Variants in RBM14 observed in about 807,000 individuals in gnomAD.
RBM14 encodes the protein RNA binding motif protein 14, also known as RNA-binding protein 14.
A neutral mutation model predicts 52.8 loss-of-function variants in RBM14; 5 were observed. The ratio of observed to expected loss-of-function variants is 0.09; its 90% CI spans 0.05 to 0.20. The LOEUF is 0.20. RBM14 is among the 10% of genes least tolerant of loss of function. The pLI, the probability that RBM14 is intolerant of heterozygous loss-of-function variation, is 1.00. For synonymous variants in RBM14, 411 were observed against 401.8 expected, an observed-to-expected ratio of 1.02 and a Z score of -0.28; for missense variants, 780 against 926.6, an observed-to-expected ratio of 0.84 and a Z score of 2.05.
rs1269083918 is a variant in RBM14 at position 66,625,951 on chromosome 11, C to T, written c.1802+273C>T. On this transcript the variant is annotated intron_variant, in intron 2 of 2. Transcript: ENST00000310137. The surrounding 1 kb of genome is among the most constrained non-coding windows in gnomAD (Gnocchi z 4.2). ...GCTAGCCCAAGTGTCATTGGAGCTA[C>T]TGCCTGCAGGACTGTGGCCCATATC... is the stretch of plus-strand genomic sequence containing the variant. 6.6e-6 allele frequency among the ~76,000 whole-genome samples: 1 copy of T among 152,248 alleles called. No individual in the cohort carries two copies. Among genetic ancestry groups the T allele is most frequent in the Non-Finnish European group, 1.5e-5 (1 of 68,040 alleles).
chr11:66,624,371 C>T lies in RBM14; in HGVS notation c.495C>T (p.Thr165=). ...TGGCTGTCCAGTCTGGGGACAAGACCAAGAAACCAGGGGCTGGGGATACGG... is the reference window on the plus strand; with the variant it reads ...TGGCTGTCCAGTCTGGGGACAAGACTAAGAAACCAGGGGCTGGGGATACGG... The part of the protein sequence containing the change: ...PGLAVQSGDK[T]KKPGAGDTAF... The change falls in exon 2 of 3, where the codon ACC becomes ACT. Residue 165 remains threonine (T), a synonymous_variant. Coordinates refer to ENST00000310137, the MANE Select transcript of RBM14 (RefSeq NM_006328.4). This position sits in a 1 kb window ranked among gnomAD's most constrained non-coding sequence, Gnocchi z 4.7. 6.2e-7 allele frequency: 1 copy of T among 1,614,116 alleles called. No homozygotes were observed. The highest frequency in any genetic ancestry group is 8.5e-7 in the Non-Finnish European group (1 of 1,179,978).
rs2135027096 is a variant in RBM14 at position 66,626,870 on chromosome 11, C to G, written c.*202C>G. On this transcript the variant is annotated 3_prime_UTR_variant, in exon 3 of 3. Transcript: ENST00000310137. ...TTGTTCCTTCGCCTCAGCAGCAAAT[C>G]TTGCTACTGGCTCTAGATCTGCGGT... The G allele has an allele frequency of 1.8e-6, 1 of 561,160 alleles. No individual in the cohort carries two copies. Among genetic ancestry groups the G allele is most frequent in the Middle Eastern group, 4.6e-4 (1 of 2,162 alleles). The allele number at this position is 561,160 out of a possible 1,614,324, so 34.8% of individuals were successfully genotyped here.
intron 1 of RBM14, chr11:66,618,989 C>T (rs1258914222): frequency 6.0e-6 from 1 of 166,824 alleles, no homozygotes; most frequent in Non-Finnish European, 1.3e-5. Context: ...TTGACTTACT[C>T]CGGGAGTGGT....
At chr11:66,619,937 A>G (rs2135007338) in intron 1 of RBM14, among the ~76,000 whole-genome samples, 1 of 152,348 alleles carries the variant, frequency 6.6e-6, no homozygotes, top group South Asian at 2.1e-4. Context: ...TTGTTACTGG[A>G]GGACTTGTGA....
chr11:66,623,020 TCTC>T (rs935062593), intron 1 of RBM14, among the ~76,000 whole-genome samples: 1 of 152,220 alleles, frequency 6.6e-6, no homozygotes, highest in Non-Finnish European at 1.5e-5. Flanking sequence ...CCTGAAGTTT[TCTC>T]CTTCTGTGTA....
rs1034873895 is a variant in RBM14 at position 66,617,485 on chromosome 11, A to G, written c.337+428A>G. The G allele has an allele frequency of 5.7e-5, 57 of 1,007,780 alleles. 1 individual carries two copies. The highest frequency in any genetic ancestry group is 1.9e-4 in the African/African-American group (11 of 57,614). The allele number at this position is 1,007,780 out of a possible 1,614,324, so 62.4% of individuals were successfully genotyped here. ...TCGGTCAGAGCAAGGGAAGAGGGAA[A>G]AGGTGGGGGCTGACGCCCCAAGGCC... On this transcript the variant is annotated intron_variant, in intron 1 of 2. Coordinates refer to ENST00000310137, the MANE Select transcript of RBM14 (RefSeq NM_006328.4).
Position 66,616,966 on chromosome 11 carries a change from C to T in RBM14, c.246C>T (p.Phe82=). Residue 82 remains phenylalanine (F), a synonymous_variant, in exon 1 of 3, where the codon TTC becomes TTT. Coordinates refer to ENST00000310137, the MANE Select transcript of RBM14 (RefSeq NM_006328.4). ...RPRPLNTWKI[F]VGNVSAACTS... ...GGCCTCTTAATACTTGGAAGATTTT[C>T]GTGGGCAATGTGTCGGCTGCATGCA... is the stretch of plus-strand genomic sequence containing the variant. 1.2e-6 allele frequency: 2 copies of T among 1,612,484 alleles called. No individual in the cohort carries two copies. Among genetic ancestry groups the T allele is most frequent in the Non-Finnish European group, 1.7e-6 (2 of 1,179,654 alleles).
intron 1 of RBM14, among the ~76,000 whole-genome samples, chr11:66,617,951 C>A (rs1301066089): frequency 6.6e-6 from 1 of 152,190 alleles, no homozygotes; most frequent in Admixed American, 6.5e-5. Flanking sequence ...CTTCATTAAA[C>A]AGTGGCTAAA....
intron 1 of RBM14, among the ~76,000 whole-genome samples, chr11:66,617,966 G>A (rs892551356): frequency 1.3e-5 from 2 of 152,226 alleles, no homozygotes; most frequent in African/African-American, 4.8e-5. Flanking sequence ...GCTAAACACG[G>A]TTTACTGAAT....
In RBM14 at chr11:66,616,688, C is replaced by G. The variant is rs1435025305; in HGVS notation, c.-33C>G. ...CTTGCCTGTCGCTGGAGGAGAGGTC[C>G]GGGCTCTCCAGGAAGGTGGCTGCGG... is the stretch of plus-strand genomic sequence containing the variant. On this transcript the variant is annotated 5_prime_UTR_variant, in exon 1 of 3. Coordinates refer to ENST00000310137, the MANE Select transcript of RBM14 (RefSeq NM_006328.4). 5.1e-6 allele frequency: 8 copies of G among 1,561,222 alleles called. No homozygotes were observed. Among genetic ancestry groups the G allele is most frequent in the Non-Finnish European group, 7.0e-6 (8 of 1,148,150 alleles).
chr11:66,626,759 C>T lies in RBM14; in HGVS notation c.*91C>T, dbSNP rs1937835625. The stretch of plus-strand genomic sequence containing the variant: ...AGGTTATAACTACTCTGGCCCATAC[C>T]TTTCCTGGTTGTGGTTTTTCATGCC... On this transcript the variant is annotated 3_prime_UTR_variant, in exon 3 of 3. Coordinates refer to ENST00000310137, the MANE Select transcript of RBM14 (RefSeq NM_006328.4). 3.1e-6 allele frequency: 4 copies of T among 1,274,022 alleles called. No individual in the cohort carries two copies. Among genetic ancestry groups the T allele is most frequent in the Admixed American group, 5.1e-5 (2 of 39,150 alleles). 78.9% of individuals were successfully genotyped at this position (1,274,022 alleles called of 1,614,324 possible).
In RBM14 at chr11:66,623,927, T is replaced by G. The variant is rs556591389; in HGVS notation, c.338-287T>G. The G allele has an allele frequency of 1.1e-4, 76 of 718,912 alleles. 1 individual carries two copies. The Admixed American group carries it at 1.5e-3, about 14-fold the overall frequency. The allele number at this position is 718,912 out of a possible 1,614,324, so 44.5% of individuals were successfully genotyped here. ...AGATGTGAAGATTTTTATCCTGTGT[T>G]GCAGTTCATCTTTGCTCCTTCTTCT... On this transcript the variant is annotated intron_variant, in intron 1 of 2. Transcript: ENST00000310137.
chr11:66,626,452 C>T lies in RBM14; in HGVS notation c.1803-9C>T, dbSNP rs1354353786. On this transcript the variant is annotated splice_polypyrimidine_tract_variant and intron_variant, in intron 2 of 2. Coordinates refer to ENST00000310137, the MANE Select transcript of RBM14 (RefSeq NM_006328.4). ...TCTCATTCACCAACTGTCTTCTTCT[C>T]TCGACTAGGTATGGTTCCGACCGGC... 1.9e-6 allele frequency: 3 copies of T among 1,609,666 alleles called. No homozygotes were observed. Among genetic ancestry groups the T allele is most frequent in the East Asian group, 2.2e-5 (1 of 44,876 alleles).
At chr11:66,623,811 G>A (rs1937656752) in intron 1 of RBM14, 1 of 704,912 alleles carries the variant, frequency 1.4e-6, no homozygotes, top group African/African-American at 1.8e-5. Flanking sequence ...AGGCCTCAAA[G>A]GTGTTTGGTG....
chr11:66,617,152 G>A (rs1858875881), intron 1 of RBM14, 95 bp downstream of exon 1: 2 of 1,490,226 alleles, frequency 1.3e-6, no homozygotes, highest in Non-Finnish European at 1.8e-6. Flanking sequence ...TGCGCGGTTG[G>A]GAGGGGTGGG....
At chr11:66,617,345 G>A in intron 1 of RBM14, 1 of 1,253,224 alleles carries the variant, frequency 8.0e-7, no homozygotes, top group Non-Finnish European at 1.0e-6. Context: ...TTCCGGGGGC[G>A]CGCCTTCTCC....
intron 1 of RBM14, chr11:66,618,396 T>C (rs1295134834): frequency 2.9e-6 from 2 of 682,232 alleles, no homozygotes; most frequent in African/African-American, 3.5e-5. Context: ...GGGCCATTCC[T>C]AGTCCTTTAA....
intron 1 of RBM14, chr11:66,623,943 TC>T (rs1166252062): frequency 5.5e-6 from 4 of 721,632 alleles, no homozygotes; most frequent in Non-Finnish European, 1.0e-5. Flanking sequence ...TCATCTTTGC[TC>T]CTTCTTCTCT....
Position 66,624,769 on chromosome 11 carries a change from C to T in RBM14, c.893C>T (p.Ala298Val). The change falls in exon 2 of 3, where the codon GCA becomes GTA. Residue 298 changes from alanine (A) to valine (V), a missense_variant. By Grantham distance (64) the Ala-to-Val change is moderately conservative. This residue lies in a region of RBM14 where 675 missense variants were observed against 697.3 expected (regional missense o/e 0.97). Transcript: ENST00000310137. This position sits in a 1 kb window ranked among gnomAD's most constrained non-coding sequence, Gnocchi z 4.7. ...GCTAGTCCTAGCTCCCAGTCTGCTG[C>T]AGCTTCTTCACTCGGCCCATATGGT... ...QLASPSSQSA[A>V]ASSLGPYGGA... 1.2e-6 allele frequency: 2 copies of T among 1,614,150 alleles called. No individual in the cohort carries two copies. Among genetic ancestry groups the T allele is most frequent in the African/African-American group, 1.3e-5 (1 of 75,034 alleles).
Sources: gnomAD v4.1 joint callset for allele counts (sites outside exome capture counted in the v4.1 genomes callset) on GRCh38, gnomAD v4.1.1 for gene constraint, gnomAD v4.1.1 regional missense constraint, Gnocchi (gnomAD v3.1) non-coding constraint, MANE v1.5 for transcripts, NCBI Gene and HGNC (gene_info 2026-07-23, HGNC 2026-07-21) for gene names.